Variants in ARHGEF18 observed in about 807,000 individuals in gnomAD.
ARHGEF18 encodes Rho/Rac guanine nucleotide exchange factor 18, also known as rho guanine nucleotide exchange factor 18.
A neutral mutation model predicts 155.7 loss-of-function variants in ARHGEF18; 93 were observed. The observed-to-expected ratio is 0.60, with a 90% CI of 0.50 to 0.71. The LOEUF (loss-of-function observed/expected upper bound fraction) is 0.71, where lower values mean the gene tolerates loss of function less well. Among genes scored for constraint, ARHGEF18 ranks in the 30% least tolerant of loss-of-function variants. ARHGEF18 has a pLI of 0.00. For missense variants in ARHGEF18, 1,593 were observed against 1,816.1 expected (o/e 0.88, Z 2.23); for synonymous variants, 742 against 753.1 (o/e 0.99, Z 0.24).
rs367853975 is a variant in ARHGEF18 at position 7,444,188 on chromosome 19, G to A, written c.1361-16G>A. The A allele has an allele frequency of 5.2e-5, 83 of 1,608,520 alleles. No homozygotes were observed. The highest frequency in any genetic ancestry group is 3.5e-4 in the African/African-American group (26 of 74,942). ...GGAGCCAGCATGGCTAAGTCCTGCC[G>A]TCTGTGTCCCTGCAGAGCTGATGCA... On this transcript the variant is annotated splice_polypyrimidine_tract_variant and intron_variant, in intron 13 of 28. Transcript: ENST00000668164. The surrounding 1 kb of genome is among the most constrained non-coding windows in gnomAD (Gnocchi z 4.7).
At chr19:7,409,519 C>G (rs1972543967) in intron 10 of ARHGEF18, among the ~76,000 whole-genome samples, 1 of 150,882 alleles carries the variant, frequency 6.6e-6, no homozygotes, top group African/African-American at 2.4e-5. Flanking sequence ...CCTCCACCTC[C>G]TGAGTTCAAG....
chr19:7,441,547 C>T, intron 11 of ARHGEF18, 106 bp from the exon 12 acceptor site: 2 of 818,322 alleles, frequency 2.4e-6, no homozygotes, highest in Non-Finnish European at 2.0e-6. Flanking sequence ...GGAGAGTTCT[C>T]AGAGAGTATC....
At chr19:7,352,511 T>C (rs1969182147) in intron 1 of ARHGEF18, among the ~76,000 whole-genome samples, 1 of 149,852 alleles carries the variant, frequency 6.7e-6, no homozygotes, top group Admixed American at 6.7e-5. Flanking sequence ...CATTATGTCC[T>C]TCTCACTTTC....
At chr19:7,432,499 A>G (rs1293665215) in intron 10 of ARHGEF18, among the ~76,000 whole-genome samples, 1 of 152,190 alleles carries the variant, frequency 6.6e-6, no homozygotes, top group Non-Finnish European at 1.5e-5. Flanking sequence ...GTTCAGAGAC[A>G]GGGTCTCACT....
At chr19:7,391,709 C>G (rs1454138544) in intron 10 of ARHGEF18, among the ~76,000 whole-genome samples, 4 of 152,078 alleles carry the variant, frequency 2.6e-5, no homozygotes, top group African/African-American at 9.7e-5. Context: ...GCCAGTTGCT[C>G]TCAGCCAAGG....
chr19:7,415,006 G>A (rs951572566), intron 10 of ARHGEF18, among the ~76,000 whole-genome samples: 26 of 151,926 alleles, frequency 1.7e-4, no homozygotes, highest in Admixed American at 4.6e-4. Flanking sequence ...AAATAAATAA[G>A]TAAATAAATA....
intron 10 of ARHGEF18, among the ~76,000 whole-genome samples, chr19:7,400,735 G>C (rs565204663): frequency 6.6e-6 from 1 of 152,122 alleles, no homozygotes; most frequent in Non-Finnish European, 1.5e-5. Flanking sequence ...TTGGGAGGCT[G>C]GAATGGAAGG....
intron 16 of ARHGEF18, among the ~76,000 whole-genome samples, chr19:7,452,462 A>G (rs1431865470): frequency 6.6e-6 from 1 of 151,610 alleles, no homozygotes; most frequent in Non-Finnish European, 1.5e-5. Context: ...TAATTTATTT[A>G]TTTATTTATT....
At chr19:7,421,026 G>A (rs1284362230) in intron 10 of ARHGEF18, among the ~76,000 whole-genome samples, 2 of 152,094 alleles carry the variant, frequency 1.3e-5, no homozygotes, top group Non-Finnish European at 2.9e-5. Context: ...CACCTTCCGG[G>A]CTCAAGTGGT....
chr19:7,467,649 G>A lies in ARHGEF18; in HGVS notation c.3445G>A (p.Ala1149Thr), dbSNP rs1034789556. 6 of 1,514,732 alleles carry A rather than the reference G, an allele frequency of 4.0e-6. No individual in the cohort carries two copies. The African/African-American group carries it at 4.2e-5, about 11-fold the overall frequency. The allele number at this position is 1,514,732 out of a possible 1,614,324, so 93.8% of individuals were successfully genotyped here. Residue 1149 changes from alanine to threonine, a missense_variant, in exon 26 of 29, where the codon GCG becomes ACG. By Grantham distance (58) the Ala-to-Thr change is moderately conservative (BLOSUM62 0). Coordinates refer to ENST00000668164, the MANE Select transcript of ARHGEF18 (RefSeq NM_001367823.1). ...LLRRLKKQNT[A>T]PGALPPDTLA... The stretch of plus-strand genomic sequence containing the variant: ...GCGCCGCCTCAAGAAGCAGAACACC[G>A]CGCCAGGCGCGCTGCCGCCCGACAC...
chr19:7,468,800 G>C, intron 26 of ARHGEF18, 25 bp from the exon 27 acceptor site: 1 of 1,513,430 alleles, frequency 6.6e-7, no homozygotes, highest in Non-Finnish European at 8.9e-7. Flanking sequence ...CCTCACATTG[G>C]ATGTATCTGC....
intron 10 of ARHGEF18, among the ~76,000 whole-genome samples, chr19:7,390,359 A>T (rs1340453134): frequency 1.3e-5 from 2 of 151,700 alleles, no homozygotes; most frequent in Non-Finnish European, 2.9e-5. Flanking sequence ...ACACAAAACA[A>T]TTAGCGGGGC....
At chr19:7,406,719 C>G (rs921063868) in intron 10 of ARHGEF18, among the ~76,000 whole-genome samples, 3 of 152,122 alleles carry the variant, frequency 2.0e-5, no homozygotes, top group African/African-American at 7.2e-5. Context: ...TTGCAAGGTT[C>G]TGGAATTTTC....
intron 27 of ARHGEF18, 55 bp from the exon 28 acceptor site, chr19:7,469,849 C>A (rs372685209): frequency 3.1e-6 from 5 of 1,589,248 alleles, no homozygotes; most frequent in Non-Finnish European, 4.3e-6. Context: ...GCTGCCCTGG[C>A]GGGTGGGGAC....
chr19:7,437,410 G>A (rs1447779635), intron 10 of ARHGEF18, among the ~76,000 whole-genome samples: 1 of 138,954 alleles, frequency 7.2e-6, no homozygotes, highest in South Asian at 2.5e-4. Flanking sequence ...CAACAAAAGC[G>A]GAAATCCGTC....
At position 7,441,577 on chromosome 19, in the gene ARHGEF18, A is replaced by C. The variant is rs988099262; in HGVS notation, c.1107-76A>C. 6.4e-6 allele frequency: 7 copies of C among 1,100,644 alleles called. No individual in the cohort carries two copies. In the African/African-American group the frequency reaches 1.1e-4, roughly 17 times the overall value. 68.2% of individuals were successfully genotyped at this position (1,100,644 alleles called of 1,614,324 possible). A position where few individuals can be genotyped will look rare whatever the true frequency, so the allele number is the denominator to read the frequency against. Reference sequence around the variant, plus strand: ...AGTATCGAATCGGATGGAGTCACCGATGTGCCTTTGTTGCATGAGGTCGTG... The same window carrying C: ...AGTATCGAATCGGATGGAGTCACCGCTGTGCCTTTGTTGCATGAGGTCGTG... On this transcript the variant is annotated intron_variant, in intron 11 of 28. Coordinates refer to ENST00000668164, the MANE Select transcript of ARHGEF18 (RefSeq NM_001367823.1).
In ARHGEF18 at chr19:7,444,908, G is replaced by T. The variant is rs983160967; in HGVS notation, c.1611+454G>T. Among the ~76,000 whole-genome samples the T allele has an allele frequency of 9.2e-5, 14 of 151,932 alleles. No individual in the cohort carries two copies. The highest frequency in any genetic ancestry group is 2.9e-4 in the African/African-American group (12 of 41,396). ...CTGCCTCGGCATCCCAAAGTGCAGGGATCACAGGCATGAGCCATTGTGCCA... is the reference window on the plus strand; with the variant it reads ...CTGCCTCGGCATCCCAAAGTGCAGGTATCACAGGCATGAGCCATTGTGCCA... On this transcript the variant is annotated intron_variant, in intron 14 of 28. Coordinates refer to ENST00000668164, the MANE Select transcript of ARHGEF18 (RefSeq NM_001367823.1). This position sits in a 1 kb window ranked among gnomAD's most constrained non-coding sequence, Gnocchi z 4.7.
At chr19:7,378,258 C>T (rs539927926) in intron 5 of ARHGEF18, 136 bp from the exon 6 acceptor site, 72 of 542,352 alleles carry the variant, frequency 1.3e-4, no homozygotes, top group African/African-American at 1.2e-3. Flanking sequence ...TCTCTGTTGC[C>T]TGAGAGTACA....
intron 10 of ARHGEF18, among the ~76,000 whole-genome samples, chr19:7,418,470 G>A (rs369945443): frequency 9.9e-5 from 15 of 151,742 alleles, no homozygotes; most frequent in East Asian, 9.7e-4. Flanking sequence ...ACCCAGACTG[G>A]TCTCAAACTC....
Sources: gnomAD v4.1 joint callset for allele counts (sites outside exome capture counted in the v4.1 genomes callset) on GRCh38, gnomAD v4.1.1 for gene constraint, Gnocchi (gnomAD v3.1) non-coding constraint, MANE v1.5 for transcripts, NCBI Gene and HGNC (gene_info 2026-07-23, HGNC 2026-07-21) for gene names.